Variants in RAG1 observed in about 807,000 individuals in gnomAD.
The protein encoded by RAG1 is recombination activating 1.
In RAG1, 35 loss-of-function variants were observed where a neutral mutation model predicts 62.7. That is an observed-to-expected ratio of 0.56 (90% CI 0.43 to 0.74). RAG1 has a LOEUF of 0.74. Among genes scored for constraint, RAG1 ranks in the 30% least tolerant of loss-of-function variants. The probability of loss-of-function intolerance (pLI) is 0.00; values close to 1 mark genes in which losing one functional copy is unlikely to be tolerated. For missense variants in RAG1, 1,169 were observed against 1,278.6 expected (o/e 0.91, Z 1.31); for synonymous variants, 461 against 470.3 (o/e 0.98, Z 0.26).
At chr11:36,557,601 G>A (rs1012088268) in intron 3 of RAG1, among the ~76,000 whole-genome samples, 2 of 152,076 alleles carry the variant, frequency 1.3e-5, no homozygotes, top group African/African-American at 4.8e-5. Context: ...GCTGTAGACC[G>A]GAGCTGTTCC....
At chr11:36,572,280 T>C (rs1850760173) in intron 1 of RAG1, among the ~76,000 whole-genome samples, 1 of 152,238 alleles carries the variant, frequency 6.6e-6, no homozygotes, top group African/African-American at 2.4e-5. Flanking sequence ...GAAAGATTGA[T>C]CTAATTGGGT....
chr11:36,543,059 A>ATCTT lies in RAG1; in HGVS notation c.-412+7026_-412+7029dup, dbSNP rs201773767. Among the ~76,000 whole-genome samples, 588 of 152,212 alleles carry ATCTT rather than the reference A, an allele frequency of 3.9e-3. 7 individuals are homozygous for ATCTT. The highest frequency in any genetic ancestry group is 0.013 in the African/African-American group (559 of 41,512). On this transcript the variant is annotated intron_variant and NMD_transcript_variant, in intron 3 of 9. Transcript: ENST00000534663. Reference sequence around the variant, plus strand: ...TCAGATTTGAACGAGTCACTACTGAATCTTCTTCCCCCATCTCCTTCTTCC... The same window carrying ATCTT: ...TCAGATTTGAACGAGTCACTACTGAATCTTTCTTCTTCCCCCATCTCCTTCTTCC...
intron 3 of RAG1, among the ~76,000 whole-genome samples, chr11:36,560,608 G>A (rs1850569782): frequency 6.6e-6 from 1 of 152,150 alleles, no homozygotes; most frequent in East Asian, 1.9e-4. Context: ...GAAGAACCCA[G>A]CATGATTTCC....
Position 36,576,137 on chromosome 11 carries a change from C to T in RAG1, c.2833C>T (p.His945Tyr). The change falls in exon 2 of 2, where the codon CAT becomes TAT. Residue 945 changes from histidine (H) to tyrosine (Y), a missense_variant. By Grantham distance (83) the His-to-Tyr change is moderately conservative. This residue lies in a region of RAG1 where 800 missense variants were observed against 943.3 expected (regional missense o/e 0.85). Transcript: ENST00000299440. ...ITNYFHKTLAHVPEIIERDGS... is the reference protein window; with the variant it reads ...ITNYFHKTLAYVPEIIERDGS... ...CAATTATTTTCACAAAACCCTGGCC[C>T]ATGTTCCTGAAATTATTGAGAGGGA... The T allele has an allele frequency of 1.2e-6, 2 of 1,614,048 alleles. No individual in the cohort carries two copies. The highest frequency in any genetic ancestry group is 1.7e-6 in the Non-Finnish European group (2 of 1,180,036).
At chr11:36,534,864 A>G (rs183959828) in intron 2 of RAG1, among the ~76,000 whole-genome samples, 1,751 of 152,206 alleles carry the variant, frequency 0.012, 17 homozygotes, top group East Asian at 0.03. Flanking sequence ...GTACATTTTC[A>G]TAAGGCTTTT....
intron 3 of RAG1, among the ~76,000 whole-genome samples, chr11:36,558,478 G>A (rs963657652): frequency 3.3e-5 from 5 of 152,084 alleles, no homozygotes; most frequent in African/African-American, 4.8e-5. Context: ...ATTCACAATC[G>A]TTGTATCCTC....
At chr11:36,529,133 C>T (rs1860212233) in intron 2 of RAG1, among the ~76,000 whole-genome samples, 1 of 152,190 alleles carries the variant, frequency 6.6e-6, no homozygotes, top group South Asian at 2.1e-4. Context: ...TCCTCCCTAA[C>T]TCATTTTATG....
chr11:36,572,871 G>T (rs1045370417), intron 1 of RAG1, among the ~76,000 whole-genome samples: 2 of 152,138 alleles, frequency 1.3e-5, no homozygotes, highest in Admixed American at 6.5e-5. Flanking sequence ...AGTACAATGA[G>T]GCTAATACAA....
upstream of RAG1, among the ~76,000 whole-genome samples, chr11:36,565,169 A>G (rs1218158672): frequency 6.6e-6 from 1 of 152,222 alleles, no homozygotes. Context: ...TGTAATCTCA[A>G]TGTCCGTAAA....
chr11:36,524,461 G>A (rs1425291950), intron 2 of RAG1, among the ~76,000 whole-genome samples: 1 of 150,896 alleles, frequency 6.6e-6, no homozygotes, highest in African/African-American at 2.4e-5. Context: ...TGATAAATAT[G>A]TAGTTATATC....
intron 1 of RAG1, among the ~76,000 whole-genome samples, chr11:36,572,551 G>A (rs1850764453): frequency 6.6e-6 from 1 of 152,190 alleles, no homozygotes; most frequent in African/African-American, 2.4e-5. Flanking sequence ...AAGTCCCTTA[G>A]AATCTCAGTC....
chr11:36,527,727 T>C (rs555485756), intron 2 of RAG1, among the ~76,000 whole-genome samples: 3 of 152,148 alleles, frequency 2.0e-5, no homozygotes, highest in African/African-American at 7.2e-5. Context: ...CATGGAATGT[T>C]TTTCCATTTG....
intron 2 of RAG1, among the ~76,000 whole-genome samples, chr11:36,528,068 T>C (rs2133253049): frequency 6.6e-6 from 1 of 152,238 alleles, no homozygotes; most frequent in South Asian, 2.1e-4. Flanking sequence ...ACACCCACTG[T>C]CAATATTAGA....
At chr11:36,521,250 C>T (rs11599968) in intron 2 of RAG1, among the ~76,000 whole-genome samples, 15,395 of 152,058 alleles carry the variant, frequency 0.1, 966 homozygotes, top group South Asian at 0.15. Context: ...TGAGCCACTG[C>T]GCCTGGCCCA....
At position 36,573,677 on chromosome 11, in the gene RAG1, AG is replaced by A; in HGVS notation, c.375del (p.Arg126AspfsTer13). 1.2e-6 allele frequency: 2 copies of A among 1,614,176 alleles called. No individual in the cohort carries two copies. The highest frequency in any genetic ancestry group is 1.7e-6 in the Non-Finnish European group (2 of 1,180,040). On this transcript the variant is annotated frameshift_variant, in exon 2 of 2. Coordinates refer to ENST00000299440, the MANE Select transcript of RAG1 (RefSeq NM_000448.3). LOFTEE classifies it high-confidence loss of function. ...TTCTTTTAGAGCTGATGAGCACAAC[AG>A]GAGATATCCAGTCCATGGTCCTGTG... ...GNSFRADEHN[R>X]RYPVHGPVDG...
chr11:36,549,739 T>G (rs140088569), intron 3 of RAG1, among the ~76,000 whole-genome samples: 2 of 152,260 alleles, frequency 1.3e-5, no homozygotes, highest in African/African-American at 4.8e-5. Context: ...AGAAATACCA[T>G]TTGACCCAGC....
At chr11:36,518,108 C>T (rs570138939) in intron 1 of RAG1, among the ~76,000 whole-genome samples, 357 of 150,364 alleles carry the variant, frequency 2.4e-3, no homozygotes, top group African/African-American at 8.4e-3. Flanking sequence ...TTTGTCCTTG[C>T]GATAGTTTGC....
chr11:36,544,547 A>ATATGTTTC (rs1334768048), intron 3 of RAG1, among the ~76,000 whole-genome samples: 1 of 152,124 alleles, frequency 6.6e-6, no homozygotes. Flanking sequence ...TAAGCAAAAT[A>ATATGTTTC]TATGTTTCTA....
chr11:36,516,304 G>T (rs1859994722), intron 1 of RAG1, among the ~76,000 whole-genome samples: 1 of 152,234 alleles, frequency 6.6e-6, no homozygotes, highest in Middle Eastern at 3.2e-3. Context: ...AAAAATCACT[G>T]TTGTGTTTTT....
Sources: allele counts gnomAD v4.1 joint callset (sites outside exome capture counted in the v4.1 genomes callset), GRCh38; gene constraint gnomAD v4.1.1; regional missense constraint gnomAD v4.1.1; transcripts MANE v1.5; gene names NCBI Gene and HGNC (gene_info 2026-07-23, HGNC 2026-07-21).